The following SERPINB10 variants were observed in gnomAD, a reference collection of about 807,000 sequenced individuals.
SERPINB10 encodes the protein serpin B10.
In SERPINB10, 35 loss-of-function variants were observed where a neutral mutation model predicts 39.1. The ratio of observed to expected loss-of-function variants is 0.90; its 90% CI spans 0.68 to 1.19. SERPINB10 has a LOEUF of 1.19. Among genes scored for constraint, SERPINB10 ranks in the 50% most tolerant of loss-of-function variants. The pLI is 0.00. For synonymous variants in SERPINB10, 190 were observed against 158.1 expected (o/e 1.20, Z -1.52); for missense variants, 546 against 460.5 (o/e 1.19, Z -1.70).
intron 2 of SERPINB10, among the ~76,000 whole-genome samples, chr18:63,916,468 T>C (rs950061811): frequency 2.6e-5 from 4 of 151,708 alleles, no homozygotes; most frequent in Admixed American, 2.6e-4. Flanking sequence ...ATGAACACGG[T>C]TGGTAATTCT....
At chr18:63,924,197 T>C (rs2050165056) in intron 5 of SERPINB10, among the ~76,000 whole-genome samples, 1 of 152,016 alleles carries the variant, frequency 6.6e-6, no homozygotes, top group Admixed American at 6.6e-5. Context: ...TAGTTTATAA[T>C]ACAGATCACA....
At chr18:63,914,970 C>T (rs1366389606) in intron 1 of SERPINB10, among the ~76,000 whole-genome samples, 1 of 152,016 alleles carries the variant, frequency 6.6e-6, no homozygotes, top group East Asian at 1.9e-4. Context: ...AAGCATTTTC[C>T]AATTAGTTGT....
At position 63,935,801 on chromosome 18, in the gene SERPINB10, C is replaced by A. The variant is rs984402882; in HGVS notation, c.*559C>A. On this transcript the variant is annotated 3_prime_UTR_variant, in exon 8 of 8. Transcript: ENST00000238508. ...CTCCAACCTGGGCAACAGAGCAAGA[C>A]CCTGTCTCAAAAAAATCATTTTGGT... 1 of 152,092 alleles carries A rather than the reference C, an allele frequency of 6.6e-6. No individual in the cohort carries two copies. The highest frequency in any genetic ancestry group is 1.5e-5 in the Non-Finnish European group (1 of 68,036). The allele number at this position is 152,092 out of a possible 1,614,324, so 9.4% of individuals were successfully genotyped here.
intron 2 of SERPINB10, among the ~76,000 whole-genome samples, chr18:63,916,752 A>G (rs930784626): frequency 1.3e-5 from 2 of 152,028 alleles, no homozygotes; most frequent in East Asian, 1.9e-4. Context: ...TTTAGTTGCA[A>G]ATGGGCCTCA....
At chr18:63,925,881 A>G (rs149879520) in intron 5 of SERPINB10, among the ~76,000 whole-genome samples, 40 of 152,136 alleles carry the variant, frequency 2.6e-4, no homozygotes, top group Non-Finnish European at 4.0e-4. Flanking sequence ...CAAAAAATAA[A>G]AAAACCAGCC....
chr18:63,929,586 G>A (rs8086521), intron 5 of SERPINB10, among the ~76,000 whole-genome samples: 62,059 of 151,212 alleles, frequency 0.41, 15,496 homozygotes, highest in African/African-American at 0.71. Flanking sequence ...AAACCTTGAA[G>A]TAGAGAAGTA....
chr18:63,913,425 T>C (rs1418291803), intron 1 of SERPINB10, among the ~76,000 whole-genome samples: 1 of 152,106 alleles, frequency 6.6e-6, no homozygotes, highest in Non-Finnish European at 1.5e-5. Flanking sequence ...GCTATAAACT[T>C]TCCTCCTAAC....
chr18:63,923,791 T>C (rs923935571), intron 5 of SERPINB10, among the ~76,000 whole-genome samples: 1 of 151,922 alleles, frequency 6.6e-6, no homozygotes, highest in Admixed American at 6.6e-5. Context: ...ATCTATCCTA[T>C]CTGCTTTGAT....
Position 63,907,971 on chromosome 18 carries a change from T to C in SERPINB10, c.-79T>C. ...TTTAATTTCTTCAGTTGAAAGTTTC[T>C]CAACTCTTCAGCCACAATCTCTTAC... On this transcript the variant is annotated 5_prime_UTR_variant, in exon 1 of 8. Coordinates refer to ENST00000238508, the MANE Select transcript of SERPINB10 (RefSeq NM_005024.3). 1 of 320,958 alleles carries C rather than the reference T, an allele frequency of 3.1e-6. No homozygotes were observed. The allele number at this position is 320,958 out of a possible 1,614,324, so 19.9% of individuals were successfully genotyped here.
At chr18:63,934,566 T>C (rs529778814) in intron 7 of SERPINB10, among the ~76,000 whole-genome samples, 3 of 152,364 alleles carry the variant, frequency 2.0e-5, no homozygotes, top group African/African-American at 7.2e-5. Flanking sequence ...TTTGAGTGTA[T>C]AGCTGATGTC....
chr18:63,930,119 T>C lies in SERPINB10; in HGVS notation c.565T>C (p.Phe189Leu). 6.2e-7 allele frequency: 1 copy of C among 1,613,632 alleles called. No individual in the cohort carries two copies. The highest frequency in any genetic ancestry group is 1.3e-5 in the African/African-American group (1 of 75,032). ...GATGATTCTGGTGAACGCCCTATAC[T>C]TTAAAGGAATCTGGGAACATCAATT... ...TRMILVNALY[F>L]KGIWEHQFLV... The change falls in exon 6 of 8, where the codon TTT (phenylalanine) becomes CTT (leucine). Residue 189 changes from phenylalanine to leucine, a missense_variant. By Grantham distance (22) the Phe-to-Leu change is conservative. Transcript: ENST00000238508.
chr18:63,935,645 C>A lies in SERPINB10; in HGVS notation c.*403C>A, dbSNP rs139489869. The A allele has an allele frequency of 9.4e-4, 148 of 157,648 alleles. No homozygotes were observed. Among genetic ancestry groups the A allele is most frequent in the African/African-American group, 3.3e-3 (136 of 41,570 alleles). The allele number at this position is 157,648 out of a possible 1,614,324, so 9.8% of individuals were successfully genotyped here. ...TAAATACGAAGTTTCTCAAGAATAT[C>A]GTTTTGATCAAAAATTTAGCCCGGC... On this transcript the variant is annotated 3_prime_UTR_variant, in exon 8 of 8. Coordinates refer to ENST00000238508, the MANE Select transcript of SERPINB10 (RefSeq NM_005024.3).
intron 5 of SERPINB10, among the ~76,000 whole-genome samples, chr18:63,925,679 G>C (rs1010826262): frequency 2.0e-5 from 3 of 151,828 alleles, no homozygotes; most frequent in Admixed American, 6.6e-5. Flanking sequence ...AGAAGGGAAG[G>C]CTCTTTCTCA....
intron 5 of SERPINB10, among the ~76,000 whole-genome samples, chr18:63,929,712 CAAAAAAAAAAA>C (rs74169990): frequency 2.1e-5 from 2 of 97,346 alleles, no homozygotes; most frequent in Non-Finnish European, 4.9e-5. Flanking sequence ...AGCTAAAGTG[CAAAAAAAAAAA>C]AAAAAAAAAA....
chr18:63,919,952 C>T, intron 5 of SERPINB10, 47 bp downstream of exon 5: 1 of 1,161,274 alleles, frequency 8.6e-7, no homozygotes, highest in South Asian at 1.3e-5. Flanking sequence ...CCCAAACATC[C>T]TTGTATTTAT....
chr18:63,915,580 C>T lies in SERPINB10; in HGVS notation c.70C>T (p.Gln24Ter), dbSNP rs1202261232. ...GAGCAAAAAGCTAGCTGAATCTGCT[C>T]AGGGTAAAAATATCTTCTTTTCTTC... is the stretch of plus-strand genomic sequence containing the variant. ...ELSKKLAESA[Q>*]GKNIFFSSWS... Residue 24 changes from glutamine (Q) to a stop codon, truncating the protein, a stop_gained, in exon 2 of 8, where the codon CAG (glutamine) becomes TAG (stop). Coordinates refer to ENST00000238508, the MANE Select transcript of SERPINB10 (RefSeq NM_005024.3). LOFTEE classifies it high-confidence loss of function. The T allele has an allele frequency of 6.2e-7, 1 of 1,612,648 alleles. No individual in the cohort carries two copies. The highest frequency in any genetic ancestry group is 8.5e-7 in the Non-Finnish European group (1 of 1,179,208).
chr18:63,920,736 A>G (rs2050140683), intron 5 of SERPINB10, among the ~76,000 whole-genome samples: 1 of 151,960 alleles, frequency 6.6e-6, no homozygotes, highest in Non-Finnish European at 1.5e-5. Flanking sequence ...TCCTAGTTTT[A>G]GGATCAAAAA....
At chr18:63,908,613 T>C (rs1568240973) in intron 1 of SERPINB10, among the ~76,000 whole-genome samples, 1 of 152,012 alleles carries the variant, frequency 6.6e-6, no homozygotes, top group Non-Finnish European at 1.5e-5. Flanking sequence ...GAATAATAAA[T>C]GTTCCTAATC....
rs766554273 is a variant in SERPINB10, at chr18:63,933,128, C to T, written c.714C>T (p.Gly238=). Residue 238 remains glycine (G), a synonymous_variant, in exon 7 of 8, where the codon GGC becomes GGT. Coordinates refer to ENST00000238508, the MANE Select transcript of SERPINB10 (RefSeq NM_005024.3). ...ACATAGAAAAGCCAAAAGCAGTGGG[C>T]CTTCAACTCTACTACAAAAGCCGTG... is the stretch of plus-strand genomic sequence containing the variant. The part of the protein sequence containing the change: ...IFHIEKPKAV[G]LQLYYKSRDL... 1.2e-6 allele frequency: 2 copies of T among 1,613,786 alleles called. No individual in the cohort carries two copies. The highest frequency in any genetic ancestry group is 2.2e-5 in the East Asian group (1 of 44,870).
Sources: gnomAD v4.1 joint callset for allele counts (sites outside exome capture counted in the v4.1 genomes callset) on GRCh38, gnomAD v4.1.1 for gene constraint, MANE v1.5 for transcripts, NCBI Gene and HGNC (gene_info 2026-07-23, HGNC 2026-07-21) for gene names.